The following AFAP1 variants were observed in gnomAD, a reference collection of about 807,000 sequenced individuals.
The protein encoded by AFAP1 is actin filament-associated protein 1.
Under a neutral mutation model 93.9 loss-of-function variants are expected in AFAP1, and 75 were observed. The ratio of observed to expected loss-of-function variants is 0.80; its 90% CI spans 0.66 to 0.97. AFAP1 has a LOEUF of 0.97. Ranked by LOEUF, AFAP1 falls within the 50% of genes least tolerant of loss-of-function variation. The pLI, the probability that AFAP1 is intolerant of heterozygous loss-of-function variation, is 0.00. For synonymous variants in AFAP1, 517 were observed against 430.7 expected (o/e 1.20, Z -2.48); for missense variants, 1,201 against 1,050.8 (o/e 1.14, Z -1.98).
At chr4:7,889,973 T>A (rs1179022947) in intron 1 of AFAP1, among the ~76,000 whole-genome samples, 3 of 104,732 alleles carry the variant, frequency 2.9e-5, no homozygotes, top group Admixed American at 1.2e-4. Flanking sequence ...TGCAACACAA[T>A]CTCAATCAAG....
In AFAP1 at chr4:7,788,094, G is replaced by T. The variant is rs192666971; in HGVS notation, c.1413-1783C>A. Reference sequence around the variant, plus strand: ...GGCCTCAGGAGCGCAGGGACCATGCGGGCACACACAGGGGTCCTCACGCAG... The same window carrying T: ...GGCCTCAGGAGCGCAGGGACCATGCTGGCACACACAGGGGTCCTCACGCAG... On this transcript the variant is annotated intron_variant, in intron 11 of 17. Coordinates refer to ENST00000420658, the MANE Select transcript of AFAP1 (RefSeq NM_001134647.2). Among the ~76,000 whole-genome samples the T allele has an allele frequency of 2.2e-4, 34 of 152,322 alleles. No individual in the cohort carries two copies. The East Asian group carries it at 5.6e-3, about 25-fold the overall frequency.
chr4:7,823,261 A>C (rs1481474303), intron 6 of AFAP1, among the ~76,000 whole-genome samples: 2 of 152,148 alleles, frequency 1.3e-5, no homozygotes, highest in Non-Finnish European at 2.9e-5. Flanking sequence ...ATTAAAGGGA[A>C]AACAATGAGG....
At chr4:7,921,625 C>T (rs747389345) in intron 1 of AFAP1, among the ~76,000 whole-genome samples, 6 of 152,126 alleles carry the variant, frequency 3.9e-5, no homozygotes, top group Non-Finnish European at 8.8e-5. Flanking sequence ...CCAGCAATAC[C>T]CATCAACATT....
At chr4:7,781,862 T>C (rs1716809033) in intron 12 of AFAP1, among the ~76,000 whole-genome samples, 1 of 152,216 alleles carries the variant, frequency 6.6e-6, no homozygotes, top group Non-Finnish European at 1.5e-5. Flanking sequence ...AGGACTTGAC[T>C]TCTGAAGCCT....
chr4:7,879,588 G>A (rs1487231303), intron 1 of AFAP1, among the ~76,000 whole-genome samples: 3 of 151,968 alleles, frequency 2.0e-5, no homozygotes, highest in Non-Finnish European at 4.4e-5. Context: ...CAAAGTGACG[G>A]CAAAATTACC....
intron 17 of AFAP1, among the ~76,000 whole-genome samples, chr4:7,765,197 G>A (rs2148938797): frequency 6.6e-6 from 1 of 152,276 alleles, no homozygotes; most frequent in South Asian, 2.1e-4. Context: ...TGGGTCCACA[G>A]CAAAGGCCTC....
intron 1 of AFAP1, among the ~76,000 whole-genome samples, chr4:7,906,106 A>C (rs1427398107): frequency 6.6e-6 from 1 of 152,224 alleles, no homozygotes; most frequent in Non-Finnish European, 1.5e-5. Flanking sequence ...GATTTACAAA[A>C]GACCAAACCC....
intron 9 of AFAP1, among the ~76,000 whole-genome samples, chr4:7,805,215 T>G (rs947528817): frequency 1.3e-5 from 2 of 152,108 alleles, no homozygotes; most frequent in Admixed American, 1.3e-4. Flanking sequence ...CTACTTTTCG[T>G]GGAGGTGGAT....
intron 16 of AFAP1, among the ~76,000 whole-genome samples, chr4:7,770,236 G>C (rs1470910179): frequency 6.6e-6 from 1 of 152,224 alleles, no homozygotes; most frequent in Non-Finnish European, 1.5e-5. Flanking sequence ...AAGCGAGGCG[G>C]GGGGTGGCAA....
intron 4 of AFAP1, among the ~76,000 whole-genome samples, chr4:7,847,919 T>C (rs1438009319): frequency 6.6e-6 from 1 of 151,814 alleles, no homozygotes; most frequent in South Asian, 2.1e-4. Context: ...AAGGACGTTG[T>C]TGATTAGGAA....
At chr4:7,806,231 G>T (rs141738315) in intron 9 of AFAP1, among the ~76,000 whole-genome samples, 19 of 152,232 alleles carry the variant, frequency 1.2e-4, no homozygotes, top group African/African-American at 4.6e-4. Context: ...TGCAGGGTTA[G>T]GCGGGCGGAC....
intron 9 of AFAP1, among the ~76,000 whole-genome samples, chr4:7,804,592 G>A (rs1412334712): frequency 2.0e-5 from 3 of 152,124 alleles, no homozygotes; most frequent in East Asian, 1.9e-4. Flanking sequence ...ATGGGGCGTC[G>A]CGGGTCTCAG....
intron 6 of AFAP1, among the ~76,000 whole-genome samples, chr4:7,835,129 T>C (rs868598543): frequency 3.7e-4 from 19 of 51,062 alleles, no homozygotes; most frequent in Non-Finnish European, 5.2e-4. Context: ...CGGGCGGCCT[T>C]AAGGTTACCT....
At chr4:7,841,953 C>A (rs1713067971) in intron 5 of AFAP1, among the ~76,000 whole-genome samples, 1 of 152,092 alleles carries the variant, frequency 6.6e-6, no homozygotes, top group African/African-American at 2.4e-5. Flanking sequence ...ACTGCTAATC[C>A]CTACACACAA....
intron 1 of AFAP1, among the ~76,000 whole-genome samples, chr4:7,886,404 A>G (rs1283177180): frequency 1.3e-5 from 2 of 152,226 alleles, no homozygotes; most frequent in Admixed American, 6.5e-5. Context: ...ACCTATGACA[A>G]TCGCTGTGCA....
chr4:7,917,303 G>C (rs1387264946), intron 1 of AFAP1, among the ~76,000 whole-genome samples: 1 of 152,094 alleles, frequency 6.6e-6, no homozygotes. Context: ...TGCTGAGTGG[G>C]GGTAGGGGGA....
intron 2 of AFAP1, among the ~76,000 whole-genome samples, chr4:7,871,204 C>T (rs1717006230): frequency 6.6e-6 from 1 of 152,138 alleles, no homozygotes; most frequent in Admixed American, 6.5e-5. Flanking sequence ...ATGTAGCAGG[C>T]CCAAAGCTGC....
chr4:7,769,731 T>C (rs1024174268), intron 16 of AFAP1, among the ~76,000 whole-genome samples: 2 of 152,130 alleles, frequency 1.3e-5, no homozygotes, highest in South Asian at 2.1e-4. Flanking sequence ...CCTGCCAAAA[T>C]GTGTTTGTTA....
At chr4:7,869,423 G>T (rs1473326088) in intron 2 of AFAP1, among the ~76,000 whole-genome samples, 1 of 152,082 alleles carries the variant, frequency 6.6e-6, no homozygotes. Context: ...CACCTTCCTG[G>T]GAATCAATAA....
Sources: allele counts gnomAD v4.1 joint callset (sites outside exome capture counted in the v4.1 genomes callset), GRCh38; gene constraint gnomAD v4.1.1; transcripts MANE v1.5; gene names NCBI Gene and HGNC (gene_info 2026-07-23, HGNC 2026-07-21).